Variants in KCNMA1 observed in about 807,000 individuals in gnomAD.
The protein encoded by KCNMA1 is Calcium-activated potassium channel subunit alpha-1.
KCNMA1 carries 29 observed loss-of-function variants against 140.0 expected under a neutral mutation model. The observed-to-expected ratio is 0.21, with a 90% CI of 0.15 to 0.28. The LOEUF (loss-of-function observed/expected upper bound fraction) is 0.28, where lower values mean the gene tolerates loss of function less well. KCNMA1 is among the 10% of genes least tolerant of loss of function. The pLI is 1.00. For synonymous variants in KCNMA1, 612 were observed against 611.9 expected (o/e 1.00, Z 0.00); for missense variants, 880 against 1,602.2 (o/e 0.55, Z 7.70).
chr10:77,560,120 C>T (rs1334437867), intron 1 of KCNMA1, among the ~76,000 whole-genome samples: 3 of 152,024 alleles, frequency 2.0e-5, no homozygotes, highest in African/African-American at 7.2e-5. Context: ...GAGGTGGAGG[C>T]TGCAGTGAGC....
chr10:77,299,867 C>T (rs2076144657), intron 2 of KCNMA1, among the ~76,000 whole-genome samples: 1 of 152,202 alleles, frequency 6.6e-6, no homozygotes, highest in South Asian at 2.1e-4. Context: ...CCAATTCCTT[C>T]TCCCTGGTCC....
intron 3 of KCNMA1, among the ~76,000 whole-genome samples, chr10:77,191,501 TTA>T (rs2098938083): frequency 6.6e-6 from 1 of 152,182 alleles, no homozygotes; most frequent in Non-Finnish European, 1.5e-5. Context: ...ACCTAAGAGT[TTA>T]TCTTTCTAAT....
intron 19 of KCNMA1, among the ~76,000 whole-genome samples, chr10:76,988,748 G>T (rs1196664260): frequency 6.6e-6 from 1 of 152,140 alleles, no homozygotes; most frequent in Non-Finnish European, 1.5e-5. Context: ...AGGGGTTTCA[G>T]GGGGATGAGG....
chr10:77,538,869 AGT>A (rs2059520705), intron 1 of KCNMA1, among the ~76,000 whole-genome samples: 1 of 152,222 alleles, frequency 6.6e-6, no homozygotes, highest in Non-Finnish European at 1.5e-5. Context: ...TTCAGGGGAC[AGT>A]GTGTGTGGAG....
intron 19 of KCNMA1, chr10:76,995,619 G>A (rs746013606): frequency 1.3e-5 from 6 of 471,012 alleles, no homozygotes; most frequent in South Asian, 7.7e-5. Flanking sequence ...GAGCTAACTG[G>A]CCACATCTGC....
chr10:76,952,214 T>C lies in KCNMA1; in HGVS notation c.2484+1587A>G, dbSNP rs967861820. 1.2e-5 allele frequency: 19 copies of C among 1,539,712 alleles called. No individual in the cohort carries two copies. In the African/African-American group the frequency reaches 2.5e-4, roughly 20 times the overall value. On this transcript the variant is annotated intron_variant, in intron 21 of 27. Coordinates refer to ENST00000286628, the MANE Select transcript of KCNMA1 (RefSeq NM_001161352.2). ...TTAGGCCACCAGGGCAAAAGTGCCA[T>C]GAATACATCAGAATGTACATATATG...
At chr10:77,372,315 T>C (rs1326447851) in intron 2 of KCNMA1, among the ~76,000 whole-genome samples, 2 of 152,182 alleles carry the variant, frequency 1.3e-5, no homozygotes, top group Non-Finnish European at 2.9e-5. Context: ...TCCCCAGGGC[T>C]AAACACAGAA....
chr10:77,122,363 A>C (rs1373724071), intron 5 of KCNMA1, among the ~76,000 whole-genome samples: 1 of 152,218 alleles, frequency 6.6e-6, no homozygotes, highest in Non-Finnish European at 1.5e-5. Flanking sequence ...ATGCTAAATA[A>C]TACTTATATA....
At chr10:77,526,053 T>C (rs1412969796) in intron 1 of KCNMA1, among the ~76,000 whole-genome samples, 1 of 152,224 alleles carries the variant, frequency 6.6e-6, no homozygotes, top group Non-Finnish European at 1.5e-5. Flanking sequence ...GGTCCCTGCC[T>C]TGACTCTGGA....
At chr10:77,270,985 TGTC>T (rs2064968527) in intron 2 of KCNMA1, among the ~76,000 whole-genome samples, 1 of 152,196 alleles carries the variant, frequency 6.6e-6, no homozygotes, top group African/African-American at 2.4e-5. Flanking sequence ...TACTTCAACA[TGTC>T]ATTAATATTA....
chr10:76,947,247 G>A (rs1183157466), intron 22 of KCNMA1, among the ~76,000 whole-genome samples: 1 of 152,170 alleles, frequency 6.6e-6, no homozygotes, highest in African/African-American at 2.4e-5. Flanking sequence ...TGAGGCAGGA[G>A]AATCGCTTGA....
At chr10:76,955,133 G>T (rs75288733) in intron 20 of KCNMA1, among the ~76,000 whole-genome samples, 2,460 of 151,658 alleles carry the variant, frequency 0.016, 75 homozygotes, top group African/African-American at 0.055. Flanking sequence ...TCCATAAATT[G>T]TAAAGTGATT....
chr10:77,005,408 C>T (rs924460772), intron 18 of KCNMA1, among the ~76,000 whole-genome samples: 1 of 152,172 alleles, frequency 6.6e-6, no homozygotes, highest in African/African-American at 2.4e-5. Flanking sequence ...AGCCCTGCTG[C>T]AGCTTCCTGA....
At chr10:77,344,958 A>G (rs1475677959) in intron 2 of KCNMA1, among the ~76,000 whole-genome samples, 1 of 152,178 alleles carries the variant, frequency 6.6e-6, no homozygotes, top group Non-Finnish European at 1.5e-5. Context: ...GTTAGTCTTC[A>G]TAACAATCTT....
intron 18 of KCNMA1, among the ~76,000 whole-genome samples, chr10:77,009,575 C>A (rs74140248): frequency 6.6e-6 from 1 of 152,142 alleles, no homozygotes; most frequent in African/African-American, 2.4e-5. Flanking sequence ...CTAATGATGA[C>A]ATTTCCTCAC....
intron 20 of KCNMA1, among the ~76,000 whole-genome samples, chr10:76,961,864 A>G (rs920780378): frequency 2.0e-5 from 3 of 152,212 alleles, no homozygotes; most frequent in Admixed American, 6.5e-5. Context: ...CCTAACTTTT[A>G]TATGCACTAG....
At chr10:76,983,301 T>C (rs1252637811) in intron 19 of KCNMA1, among the ~76,000 whole-genome samples, 1 of 152,238 alleles carries the variant, frequency 6.6e-6, no homozygotes, top group Non-Finnish European at 1.5e-5. Flanking sequence ...ATACATTACA[T>C]TATCTAGATC....
At chr10:77,258,593 A>AT (rs1279610793) in intron 2 of KCNMA1, among the ~76,000 whole-genome samples, 8 of 152,056 alleles carry the variant, frequency 5.3e-5, no homozygotes, top group Admixed American at 2.0e-4. Context: ...AAAGAAAATG[A>AT]TTTTTTTCTC....
At chr10:77,355,972 C>T (rs189393809) in intron 2 of KCNMA1, among the ~76,000 whole-genome samples, 17 of 152,318 alleles carry the variant, frequency 1.1e-4, no homozygotes, top group African/African-American at 4.1e-4. Context: ...GAAACTCCTA[C>T]TCACTCATCA....
Sources: gnomAD v4.1 joint callset for allele counts (sites outside exome capture counted in the v4.1 genomes callset) on GRCh38, gnomAD v4.1.1 for gene constraint, MANE v1.5 for transcripts, NCBI Gene and HGNC (gene_info 2026-07-23, HGNC 2026-07-21) for gene names.